Variants in GATAD2A observed in about 807,000 individuals in gnomAD.
GATAD2A encodes the protein GATA zinc finger domain containing 2A.
A neutral mutation model predicts 68.5 loss-of-function variants in GATAD2A; 12 were observed. That is an observed-to-expected ratio of 0.18 (90% CI 0.11 to 0.28). The LOEUF (loss-of-function observed/expected upper bound fraction) is 0.28, where lower values mean the gene tolerates loss of function less well. Ranked by LOEUF, GATAD2A falls within the 10% of genes least tolerant of loss-of-function variation. GATAD2A has a pLI of 1.00. For synonymous variants in GATAD2A, 410 were observed against 375.3 expected, an observed-to-expected ratio of 1.09 and a Z score of -1.07; for missense variants, 755 against 868.5, an observed-to-expected ratio of 0.87 and a Z score of 1.64.
intron 1 of GATAD2A, among the ~76,000 whole-genome samples, chr19:19,442,335 T>C (rs1034541295): frequency 2.0e-5 from 3 of 151,556 alleles, no homozygotes; most frequent in Non-Finnish European, 2.9e-5. Context: ...GTGTTAAAAA[T>C]CCAAGGCTGG....
At chr19:19,390,273 A>G (rs2048750056) in intron 1 of GATAD2A, among the ~76,000 whole-genome samples, 1 of 151,988 alleles carries the variant, frequency 6.6e-6, no homozygotes, top group African/African-American at 2.4e-5. Flanking sequence ...CTTACTGATG[A>G]TGGGAGGTGC....
In GATAD2A at chr19:19,502,004, A is replaced by G. The variant is rs1294399855; in HGVS notation, c.1539A>G (p.Ser513=). ...CCCGGCGTAAGTTGGCGTTCCGCTC[A>G]GGAGAGGCCCGCGACTGGAGTAACG... The part of the protein sequence containing the change: ...IKPRRKLAFR[S]GEARDWSNGA... The change falls in exon 10 of 12, where the codon TCA becomes TCG. Residue 513 remains serine, a synonymous_variant. Transcript: ENST00000683918. The G allele has an allele frequency of 1.2e-6, 2 of 1,614,034 alleles. No individual in the cohort carries two copies. Among genetic ancestry groups the G allele is most frequent in the Non-Finnish European group, 8.5e-7 (1 of 1,179,952 alleles).
At chr19:19,412,435 G>A (rs2051069322) in intron 1 of GATAD2A, among the ~76,000 whole-genome samples, 2 of 151,778 alleles carry the variant, frequency 1.3e-5, no homozygotes, top group African/African-American at 2.4e-5. Context: ...CATTACAGGC[G>A]TGAGCCACCG....
intron 1 of GATAD2A, among the ~76,000 whole-genome samples, chr19:19,425,965 T>C (rs1301260064): frequency 6.6e-6 from 1 of 152,058 alleles, no homozygotes; most frequent in African/African-American, 2.4e-5. Context: ...TTTTTGTATT[T>C]TTTGTAGGGA....
At position 19,495,765 on chromosome 19, in the gene GATAD2A, T is replaced by C. The variant is rs769889703; in HGVS notation, c.636T>C (p.Ala212=). Reference sequence around the variant, plus strand: ...GGTATCGTTGGCAGACCTCTTCAGCTCGGATGCCCGGCAGTGTCATACCCC... The same window carrying C: ...GGTATCGTTGGCAGACCTCTTCAGCCCGGATGCCCGGCAGTGTCATACCCC... ...AGKPSLQTSS[A]RMPGSVIPPP... is the part of the protein sequence containing the mutation. The change falls in exon 6 of 12, where the codon GCT becomes GCC. Residue 212 remains alanine (A), a synonymous_variant. Coordinates refer to ENST00000683918, the MANE Select transcript of GATAD2A (RefSeq NM_001384528.1). 2 of 1,610,928 alleles carry C rather than the reference T, an allele frequency of 1.2e-6. No individual in the cohort carries two copies. The highest frequency in any genetic ancestry group is 1.7e-5 in the Admixed American group (1 of 59,894).
upstream of GATAD2A, among the ~76,000 whole-genome samples, chr19:19,401,627 A>G (rs1030485537): frequency 2.6e-5 from 4 of 152,168 alleles, no homozygotes; most frequent in African/African-American, 4.8e-5. Flanking sequence ...TTGGGCTCCA[A>G]AATCCTTGGG....
intron 11 of GATAD2A, among the ~76,000 whole-genome samples, chr19:19,503,054 G>A (rs2060646448): frequency 6.6e-6 from 1 of 152,228 alleles, no homozygotes; most frequent in South Asian, 2.1e-4. Flanking sequence ...AACCAGTGGG[G>A]GTGAAGGTCC....
chr19:19,465,962 A>C (rs1324982384), intron 2 of GATAD2A, among the ~76,000 whole-genome samples: 2 of 152,114 alleles, frequency 1.3e-5, no homozygotes, highest in South Asian at 2.1e-4. Context: ...TCATTTGGTT[A>C]TGCTTCCCTG....
intron 2 of GATAD2A, among the ~76,000 whole-genome samples, chr19:19,481,173 T>G (rs2148247479): frequency 6.6e-6 from 1 of 151,794 alleles, no homozygotes. Flanking sequence ...TCAGGAGGGG[T>G]GCTGCGATCA....
chr19:19,499,532 C>T (rs528060722), intron 8 of GATAD2A, among the ~76,000 whole-genome samples: 4 of 152,002 alleles, frequency 2.6e-5, no homozygotes, highest in Non-Finnish European at 4.4e-5. Flanking sequence ...AAGCACCTCC[C>T]GCGCACTGCC....
chr19:19,496,352 C>A, intron 7 of GATAD2A, 133 bp downstream of exon 7: 2 of 812,040 alleles, frequency 2.5e-6, no homozygotes, highest in Non-Finnish European at 3.9e-6. Flanking sequence ...CTTTCAGAGC[C>A]AGGCAGGGGC....
intron 1 of GATAD2A, among the ~76,000 whole-genome samples, chr19:19,408,889 G>C (rs1224990651): frequency 1.3e-5 from 2 of 152,154 alleles, no homozygotes; most frequent in African/African-American, 4.8e-5. Context: ...TCTTGAAGGG[G>C]ATTAAGGCAA....
At chr19:19,469,436 A>AAAAAAAAAAG (rs1017584925) in intron 2 of GATAD2A, among the ~76,000 whole-genome samples, 13 of 151,956 alleles carry the variant, frequency 8.6e-5, no homozygotes, top group African/African-American at 2.4e-4. Flanking sequence ...CATCTCAAAA[A>AAAAAAAAAAG]AAAAGAAAAA....
intron 1 of GATAD2A, among the ~76,000 whole-genome samples, chr19:19,422,368 T>C (rs1256665216): frequency 1.3e-5 from 2 of 152,090 alleles, no homozygotes; most frequent in African/African-American, 2.4e-5. Flanking sequence ...GCACAGTTTT[T>C]CTCTCTGCTT....
At chr19:19,405,424 C>T (rs550545910), upstream of GATAD2A, among the ~76,000 whole-genome samples, 1 of 152,180 alleles carries the variant, frequency 6.6e-6, no homozygotes, top group Non-Finnish European at 1.5e-5. Flanking sequence ...CCGGCTTTGC[C>T]GCCGGTGAGT....
intron 1 of GATAD2A, among the ~76,000 whole-genome samples, chr19:19,462,493 T>C (rs1475238535): frequency 6.6e-6 from 1 of 152,170 alleles, no homozygotes; most frequent in Non-Finnish European, 1.5e-5. Flanking sequence ...GGCACAGGCA[T>C]AGGGCAGGCG....
chr19:19,508,655 G>A lies in GATAD2A; in HGVS notation c.*3181G>A, dbSNP rs2060968795. 6.6e-6 allele frequency: 1 copy of A among 152,202 alleles called. No homozygotes were observed. The highest frequency in any genetic ancestry group is 1.9e-4 in the East Asian group (1 of 5,200). 9.4% of individuals were successfully genotyped at this position (152,202 alleles called of 1,614,324 possible). Reference sequence around the variant, plus strand: ...CGTTAACCTAAAGAACTTGGACTGAGCTTTTAAAAAAGGACAGCAAACAAT... The same window carrying A: ...CGTTAACCTAAAGAACTTGGACTGAACTTTTAAAAAAGGACAGCAAACAAT... On this transcript the variant is annotated 3_prime_UTR_variant, in exon 12 of 12. Transcript: ENST00000683918.
rs1470802709 is a variant in GATAD2A, at chr19:19,495,898, G to A, written c.756+13G>A. On this transcript the variant is annotated intron_variant, in intron 6 of 11. Coordinates refer to ENST00000683918, the MANE Select transcript of GATAD2A (RefSeq NM_001384528.1). ...CAGGGGGGCTCAGGTAAGCAGGGCT[G>A]TGCACATGGGGGAGACCTGGCAGCC... 6.2e-7 allele frequency: 1 copy of A among 1,607,396 alleles called. No homozygotes were observed. Among genetic ancestry groups the A allele is most frequent in the Non-Finnish European group, 8.5e-7 (1 of 1,175,280 alleles).
At chr19:19,499,619 C>A (rs1263708446) in intron 8 of GATAD2A, among the ~76,000 whole-genome samples, 1 of 152,150 alleles carries the variant, frequency 6.6e-6, no homozygotes, top group Non-Finnish European at 1.5e-5. Flanking sequence ...AGATGCTCTC[C>A]CCACTCTCTT....
Sources: allele counts gnomAD v4.1 joint callset (sites outside exome capture counted in the v4.1 genomes callset), GRCh38; gene constraint gnomAD v4.1.1; transcripts MANE v1.5; gene names NCBI Gene and HGNC (gene_info 2026-07-23, HGNC 2026-07-21).